The following HS3ST4 variants were observed in gnomAD, a reference collection of about 807,000 sequenced individuals.
HS3ST4 encodes heparan sulfate glucosamine 3-O-sulfotransferase 4.
HS3ST4 carries 17 observed loss-of-function variants against 29.2 expected under a neutral mutation model. The observed-to-expected ratio is 0.58, with a 90% CI of 0.40 to 0.87. The LOEUF (loss-of-function observed/expected upper bound fraction) is 0.87. Ranked by LOEUF, HS3ST4 falls within the 40% of genes least tolerant of loss-of-function variation. The pLI, the probability that HS3ST4 is intolerant of heterozygous loss-of-function variation, is 0.00. For synonymous variants in HS3ST4, 314 were observed against 285.7 expected (o/e 1.10, Z -1.00); for missense variants, 627 against 634.5 (o/e 0.99, Z 0.13).
chr16:25,985,945 A>G (rs893295501), intron 1 of HS3ST4, among the ~76,000 whole-genome samples: 5 of 152,136 alleles, frequency 3.3e-5, no homozygotes, highest in South Asian at 2.1e-4. Flanking sequence ...TTGGCCTCCC[A>G]AAGTTCCGGG....
chr16:26,124,015 G>A (rs988630096), intron 1 of HS3ST4, among the ~76,000 whole-genome samples: 1 of 152,028 alleles, frequency 6.6e-6, no homozygotes, highest in Admixed American at 6.5e-5. Context: ...GCGGCTCCCG[G>A]GTTCAAGCGA....
At chr16:25,991,393 A>G (rs1354806114) in intron 1 of HS3ST4, among the ~76,000 whole-genome samples, 3 of 152,204 alleles carry the variant, frequency 2.0e-5, no homozygotes. Flanking sequence ...ACCTACTGAA[A>G]GAAAAAAAGA....
chr16:25,775,046 C>T (rs1367756623), intron 1 of HS3ST4, among the ~76,000 whole-genome samples: 1 of 152,226 alleles, frequency 6.6e-6, no homozygotes, highest in African/African-American at 2.4e-5. Flanking sequence ...GCCTTGGTGA[C>T]TGAGTCGCTG....
intron 1 of HS3ST4, among the ~76,000 whole-genome samples, chr16:26,073,880 C>G (rs938915232): frequency 6.6e-6 from 1 of 152,270 alleles, no homozygotes; most frequent in Non-Finnish European, 1.5e-5. Flanking sequence ...CTAGTTTTCT[C>G]TACCTCTCGG....
intron 1 of HS3ST4, among the ~76,000 whole-genome samples, chr16:25,888,069 G>A (rs992496778): frequency 6.6e-5 from 10 of 152,146 alleles, no homozygotes; most frequent in African/African-American, 2.4e-4. Flanking sequence ...ATGCCTGTAT[G>A]TTGTTCATGC....
chr16:25,808,944 A>G (rs980866816), intron 1 of HS3ST4, among the ~76,000 whole-genome samples: 3 of 152,110 alleles, frequency 2.0e-5, no homozygotes, highest in African/African-American at 4.8e-5. Flanking sequence ...ATTTTTGTGT[A>G]TTGACCTTGT....
chr16:26,021,808 C>T (rs1488536268), intron 1 of HS3ST4, among the ~76,000 whole-genome samples: 1 of 151,988 alleles, frequency 6.6e-6, no homozygotes, highest in Non-Finnish European at 1.5e-5. Flanking sequence ...GGATTGCAGG[C>T]ACGTGCTGCC....
At chr16:26,024,197 C>T (rs916955653) in intron 1 of HS3ST4, among the ~76,000 whole-genome samples, 14 of 144,786 alleles carry the variant, frequency 9.7e-5, no homozygotes, top group South Asian at 8.7e-4. Flanking sequence ...CACTCCAGCC[C>T]AGGCAACAGA....
intron 1 of HS3ST4, among the ~76,000 whole-genome samples, chr16:25,878,395 G>A (rs1026670536): frequency 2.0e-5 from 3 of 152,074 alleles, no homozygotes; most frequent in African/African-American, 7.2e-5. Context: ...CTCTCATTAC[G>A]TTTGTTTAAT....
At chr16:25,867,881 T>C (rs1438969410) in intron 1 of HS3ST4, among the ~76,000 whole-genome samples, 6 of 152,008 alleles carry the variant, frequency 3.9e-5, no homozygotes, top group African/African-American at 9.7e-5. Context: ...TTGTGAAATA[T>C]ACACACACAC....
chr16:25,937,735 A>G (rs1968530927), intron 1 of HS3ST4, among the ~76,000 whole-genome samples: 1 of 152,164 alleles, frequency 6.6e-6, no homozygotes, highest in Non-Finnish European at 1.5e-5. Context: ...CATAGCTCTG[A>G]TGTGCTGTGC....
At chr16:26,022,299 C>T (rs560414584) in intron 1 of HS3ST4, among the ~76,000 whole-genome samples, 157 of 152,136 alleles carry the variant, frequency 1.0e-3, no homozygotes, top group African/African-American at 3.7e-3. Context: ...TTGTAAATAC[C>T]TTTTGGGTGA....
At chr16:26,040,294 T>A (rs1369452450) in intron 1 of HS3ST4, among the ~76,000 whole-genome samples, 1 of 150,780 alleles carries the variant, frequency 6.6e-6, no homozygotes, top group Non-Finnish European at 1.5e-5. Flanking sequence ...GTATCTTTCT[T>A]TCTTTTTTTT....
chr16:26,127,735 A>G (rs1448803443), intron 1 of HS3ST4, among the ~76,000 whole-genome samples: 2 of 152,210 alleles, frequency 1.3e-5, no homozygotes, highest in African/African-American at 4.8e-5. Context: ...AATAATGAGT[A>G]TCTACCTTCT....
chr16:25,814,130 T>G (rs964216467), intron 1 of HS3ST4, among the ~76,000 whole-genome samples: 3 of 152,208 alleles, frequency 2.0e-5, no homozygotes, highest in Non-Finnish European at 2.9e-5. Context: ...GTGATGGAAC[T>G]CTTCTATATC....
At chr16:25,841,976 T>G (rs997358046) in intron 1 of HS3ST4, among the ~76,000 whole-genome samples, 2 of 152,234 alleles carry the variant, frequency 1.3e-5, no homozygotes, top group African/African-American at 4.8e-5. Context: ...GGCTTTATTC[T>G]TGAGTACTCA....
chr16:26,121,117 C>G (rs8050510), intron 1 of HS3ST4, among the ~76,000 whole-genome samples: 117,046 of 152,134 alleles, frequency 0.77, 46,001 homozygotes, highest in African/African-American at 0.94. Flanking sequence ...TGAAGAAACT[C>G]AGGCTTGAGG....
intron 1 of HS3ST4, among the ~76,000 whole-genome samples, chr16:25,735,401 T>A (rs964237404): frequency 6.6e-6 from 1 of 151,994 alleles, no homozygotes; most frequent in Non-Finnish European, 1.5e-5. Flanking sequence ...TTTTTTTTTT[T>A]ATTTGAGATG....
At chr16:25,908,661 C>T (rs1198901775) in intron 1 of HS3ST4, among the ~76,000 whole-genome samples, 1 of 152,202 alleles carries the variant, frequency 6.6e-6, no homozygotes, top group East Asian at 1.9e-4. Context: ...GTGTAGATAG[C>T]TGTGAGTGTC....
Sources: allele counts gnomAD v4.1 joint callset (sites outside exome capture counted in the v4.1 genomes callset), GRCh38; gene constraint gnomAD v4.1.1; transcripts MANE v1.5; gene names NCBI Gene and HGNC (gene_info 2026-07-23, HGNC 2026-07-21).